The following FRMD4B variants were observed in gnomAD, a reference collection of about 807,000 sequenced individuals.
The protein encoded by FRMD4B is FERM domain containing 4B, also known as FERM domain-containing protein 4B.
Under a neutral mutation model 141.5 loss-of-function variants are expected in FRMD4B, and 74 were observed. The observed-to-expected ratio is 0.52, with a 90% confidence interval of 0.43 to 0.63. The LOEUF is 0.63. Ranked by LOEUF, FRMD4B falls within the 30% of genes least tolerant of loss-of-function variation. The pLI, the probability that FRMD4B is intolerant of heterozygous loss-of-function variation, is 0.00. For missense variants in FRMD4B, 1,366 were observed against 1,253.4 expected (o/e 1.09, Z -1.36); for synonymous variants, 506 against 467.9 (o/e 1.08, Z -1.05).
At chr3:69,248,359 G>C (rs768530159) in intron 7 of FRMD4B, among the ~76,000 whole-genome samples, 3 of 152,164 alleles carry the variant, frequency 2.0e-5, no homozygotes, top group Admixed American at 6.5e-5. Context: ...TTCTACCAAA[G>C]CCGAATGGGA....
At chr3:69,263,950 T>C (rs1260851925) in intron 5 of FRMD4B, among the ~76,000 whole-genome samples, 2 of 150,172 alleles carry the variant, frequency 1.3e-5, no homozygotes, top group African/African-American at 2.4e-5. Flanking sequence ...CTCAGCCTCC[T>C]GAGTAGCTGG....
At chr3:69,278,024 T>C (rs753063659) in intron 5 of FRMD4B, among the ~76,000 whole-genome samples, 2 of 151,414 alleles carry the variant, frequency 1.3e-5, no homozygotes, top group Non-Finnish European at 2.9e-5. Context: ...CCTGGCTAAT[T>C]TTTGTATTTT....
At chr3:69,387,938 G>C (rs1412008386), upstream of FRMD4B, among the ~76,000 whole-genome samples, 1 of 151,888 alleles carries the variant, frequency 6.6e-6, no homozygotes, top group Non-Finnish European at 1.5e-5. Flanking sequence ...TTTTTTTCAA[G>C]ATGATGGTAA....
intron 11 of FRMD4B, among the ~76,000 whole-genome samples, chr3:69,201,207 T>C (rs1422305098): frequency 6.6e-6 from 1 of 152,134 alleles, no homozygotes; most frequent in African/African-American, 2.4e-5. Flanking sequence ...ATTTCATATA[T>C]GTGCATATAA....
chr3:69,292,578 C>T (rs1411546949), intron 4 of FRMD4B, among the ~76,000 whole-genome samples: 1 of 152,178 alleles, frequency 6.6e-6, no homozygotes, highest in Non-Finnish European at 1.5e-5. Context: ...AGCCCTGGTG[C>T]CTCCTGCCTA....
chr3:69,482,231 G>A (rs1706135683), intron 1 of FRMD4B, among the ~76,000 whole-genome samples: 1 of 152,016 alleles, frequency 6.6e-6, no homozygotes, highest in African/African-American at 2.4e-5. Flanking sequence ...GAGTAGGGTG[G>A]GGGTAAAAGC....
chr3:69,246,310 G>A (rs1388125348), intron 7 of FRMD4B, among the ~76,000 whole-genome samples: 3 of 152,044 alleles, frequency 2.0e-5, no homozygotes, highest in Non-Finnish European at 2.9e-5. Context: ...ACAAAAATTA[G>A]CCAGGTGTGA....
At chr3:69,298,583 C>G (rs1701109354) in intron 4 of FRMD4B, among the ~76,000 whole-genome samples, 1 of 152,212 alleles carries the variant, frequency 6.6e-6, no homozygotes, top group Non-Finnish European at 1.5e-5. Context: ...AGGTTCTCTC[C>G]AGATACATGA....
intron 1 of FRMD4B, among the ~76,000 whole-genome samples, chr3:69,346,677 C>G (rs1259247188): frequency 6.6e-6 from 1 of 152,164 alleles, no homozygotes; most frequent in Admixed American, 6.5e-5. Context: ...GGCCAATATT[C>G]AACATTCTTA....
chr3:69,340,332 C>A (rs919254946), intron 1 of FRMD4B, among the ~76,000 whole-genome samples: 7 of 152,076 alleles, frequency 4.6e-5, no homozygotes, highest in Admixed American at 3.3e-4. Context: ...ACCCTCTATC[C>A]TTGCCTTGGT....
rs561982327 is a variant in FRMD4B, at chr3:69,352,849, C to G, written c.162+32979G>C. On this transcript the variant is annotated intron_variant, in intron 1 of 22. Coordinates refer to ENST00000398540, the MANE Select transcript of FRMD4B (RefSeq NM_015123.3). Reference sequence around the variant, plus strand: ...CAAAATTCAATTTTCCTTCTTCTTTCTGGAGGCAAAGCAGGGACCCACATC... The same window carrying G: ...CAAAATTCAATTTTCCTTCTTCTTTGTGGAGGCAAAGCAGGGACCCACATC... Among the ~76,000 whole-genome samples, 10 of 152,258 alleles carry G rather than the reference C, an allele frequency of 6.6e-5. No homozygotes were observed. The South Asian group carries it at 2.1e-3, about 32-fold the overall frequency.
At chr3:69,532,635 C>T (rs1701021907) in intron 1 of FRMD4B, among the ~76,000 whole-genome samples, 1 of 152,218 alleles carries the variant, frequency 6.6e-6, no homozygotes, top group Non-Finnish European at 1.5e-5. Flanking sequence ...CCAGCCCCTC[C>T]TTTATCTGAC....
At chr3:69,288,919 C>A (rs11128121) in intron 4 of FRMD4B, among the ~76,000 whole-genome samples, 27,286 of 152,108 alleles carry the variant, frequency 0.18, 2,892 homozygotes, top group East Asian at 0.37. Flanking sequence ...TAAATAAATG[C>A]AGCTGAAAGG....
intron 1 of FRMD4B, among the ~76,000 whole-genome samples, chr3:69,493,663 TG>T (rs1287875561): frequency 6.6e-6 from 1 of 152,070 alleles, no homozygotes; most frequent in Non-Finnish European, 1.5e-5. Flanking sequence ...ATTGGCCTCT[TG>T]ATTTGCTTAC....
chr3:69,506,314 G>C (rs1706594443), intron 1 of FRMD4B, among the ~76,000 whole-genome samples: 1 of 152,004 alleles, frequency 6.6e-6, no homozygotes, highest in African/African-American at 2.4e-5. Flanking sequence ...ATTAGGGGAG[G>C]CATTTTACAC....
At chr3:69,209,143 CAAAA>C (rs372843775) in intron 11 of FRMD4B, among the ~76,000 whole-genome samples, 3 of 108,766 alleles carry the variant, frequency 2.8e-5, no homozygotes, top group African/African-American at 1.0e-4. Flanking sequence ...GAATCCATCT[CAAAA>C]AAAAAAAAAA....
In FRMD4B at chr3:69,170,942, T is replaced by C. The variant is rs1023015574; in HGVS notation, c.*919A>G. On this transcript the variant is annotated 3_prime_UTR_variant, in exon 23 of 23. Transcript: ENST00000398540. Reference sequence around the variant, plus strand: ...ATCTAAAATGACGTGGCTTTTTTTTTCTGTTGTTTTGGATACTTTCTGTAT... The same window carrying C: ...ATCTAAAATGACGTGGCTTTTTTTTCCTGTTGTTTTGGATACTTTCTGTAT... The C allele has an allele frequency of 3.3e-5, 5 of 152,196 alleles. No homozygotes were observed. The highest frequency in any genetic ancestry group is 5.9e-5 in the Non-Finnish European group (4 of 68,034). The allele number at this position is 152,196 out of a possible 1,614,324, so 9.4% of individuals were successfully genotyped here.
At chr3:69,423,453 A>G (rs1183453240) in intron 2 of FRMD4B, among the ~76,000 whole-genome samples, 1 of 152,174 alleles carries the variant, frequency 6.6e-6, no homozygotes, top group Non-Finnish European at 1.5e-5. Context: ...TTAGGTACAC[A>G]CGTCCCTTTC....
chr3:69,272,501 C>T (rs536186709), intron 5 of FRMD4B, among the ~76,000 whole-genome samples: 11 of 152,278 alleles, frequency 7.2e-5, no homozygotes, highest in African/African-American at 2.2e-4. Flanking sequence ...TTACAACATT[C>T]GATTTCTGTT....
Sources: allele counts gnomAD v4.1 joint callset (sites outside exome capture counted in the v4.1 genomes callset), GRCh38; gene constraint gnomAD v4.1.1; transcripts MANE v1.5; gene names NCBI Gene and HGNC (gene_info 2026-07-23, HGNC 2026-07-21).